Variants in ATP6V1H observed in about 807,000 individuals in gnomAD.
ATP6V1H encodes V-type proton ATPase subunit H.
In ATP6V1H, 39 loss-of-function variants were observed where a neutral mutation model predicts 71.7. The observed-to-expected ratio is 0.54, with a 90% CI of 0.42 to 0.71. The LOEUF is 0.71. Ranked by LOEUF, ATP6V1H falls within the 30% of genes least tolerant of loss-of-function variation. The pLI is 0.00. For synonymous variants in ATP6V1H, 192 were observed against 199.3 expected (o/e 0.96, Z 0.31); for missense variants, 509 against 594.9 (o/e 0.86, Z 1.50).
rs199524417 is a variant in ATP6V1H, at chr8:53,814,737, A to G, written c.450T>C (p.Ala150=). ...MAARIIAKLA[A]WGKELMEGSD... ...TGCCTTCCATCAGTTCTTTTCCCCA[A>G]GCTGCTAACTTGGCAATAATTCTTG... is the stretch of plus-strand genomic sequence containing the variant. The change falls in exon 6 of 14, where the codon GCT becomes GCC. Residue 150 remains alanine, a synonymous_variant. Transcript: ENST00000359530. The G allele has an allele frequency of 1.2e-6, 2 of 1,612,796 alleles. No homozygotes were observed. Among genetic ancestry groups the G allele is most frequent in the East Asian group, 2.2e-5 (1 of 44,778 alleles).
intron 7 of ATP6V1H, among the ~76,000 whole-genome samples, chr8:53,810,844 G>A (rs2130462270): frequency 6.6e-6 from 1 of 152,260 alleles, no homozygotes; most frequent in African/African-American, 2.4e-5. Flanking sequence ...TCAGATAACT[G>A]AAGTTTAAAG....
At chr8:53,830,438 T>G (rs1374732236) in intron 3 of ATP6V1H, among the ~76,000 whole-genome samples, 2 of 152,206 alleles carry the variant, frequency 1.3e-5, no homozygotes, top group African/African-American at 4.8e-5. Flanking sequence ...GAATCATGTC[T>G]TCCATGGATA....
intron 12 of ATP6V1H, among the ~76,000 whole-genome samples, chr8:53,753,063 C>G (rs1262185625): frequency 1.3e-5 from 2 of 149,446 alleles, no homozygotes; most frequent in African/African-American, 4.9e-5. Flanking sequence ...AACCCTATAA[C>G]CATGAGAGAA....
chr8:53,765,597 G>A (rs80270887), intron 11 of ATP6V1H, among the ~76,000 whole-genome samples: 2 of 151,692 alleles, frequency 1.3e-5, no homozygotes, highest in African/African-American at 4.8e-5. Context: ...ATCTATAAGA[G>A]GAAAACAAAA....
At chr8:53,741,508 G>T (rs760700533) in intron 13 of ATP6V1H, among the ~76,000 whole-genome samples, 3 of 152,162 alleles carry the variant, frequency 2.0e-5, no homozygotes, top group Admixed American at 6.5e-5. Context: ...GCAACTATAA[G>T]CTCATTGGTT....
intron 13 of ATP6V1H, among the ~76,000 whole-genome samples, chr8:53,719,030 G>T (rs1806527298): frequency 1.3e-5 from 2 of 152,184 alleles, no homozygotes; most frequent in African/African-American, 4.8e-5. Context: ...GTTTGTTATG[G>T]CATGTGGGGT....
intron 9 of ATP6V1H, among the ~76,000 whole-genome samples, chr8:53,785,740 T>C (rs540800297): frequency 6.6e-5 from 10 of 152,226 alleles, no homozygotes; most frequent in Non-Finnish European, 1.3e-4. Flanking sequence ...TTCTGTTTGT[T>C]AGTTTTCCTT....
chr8:53,820,265 T>C (rs551988880), intron 4 of ATP6V1H, among the ~76,000 whole-genome samples: 1 of 151,698 alleles, frequency 6.6e-6, no homozygotes, highest in Non-Finnish European at 1.5e-5. Context: ...TGGAAAGGCA[T>C]CATTTTTGAG....
At chr8:53,771,558 T>C (rs1808656836) in intron 10 of ATP6V1H, among the ~76,000 whole-genome samples, 1 of 152,104 alleles carries the variant, frequency 6.6e-6, no homozygotes, top group Non-Finnish European at 1.5e-5. Context: ...TTCTTTACTG[T>C]ACATACATTA....
At chr8:53,778,020 A>C (rs1808955113) in intron 9 of ATP6V1H, among the ~76,000 whole-genome samples, 1 of 152,262 alleles carries the variant, frequency 6.6e-6, no homozygotes, top group South Asian at 2.1e-4. Context: ...AGGGCTTATA[A>C]CATGTAAATA....
rs566876618 is a variant in ATP6V1H at position 53,788,606 on chromosome 8, A to T, written c.870+7041T>A. 2.2e-3 allele frequency among the ~76,000 whole-genome samples: 338 copies of T among 152,308 alleles called. 2 individuals carry two copies. The highest frequency in any genetic ancestry group is 7.9e-3 in the African/African-American group (327 of 41,564). ...AGACACTTTAACTGTTATTTCATGGATTCCTTACCTAATGTTTAAATGAGT... is the reference window on the plus strand; with the variant it reads ...AGACACTTTAACTGTTATTTCATGGTTTCCTTACCTAATGTTTAAATGAGT... On this transcript the variant is annotated intron_variant, in intron 9 of 13. Transcript: ENST00000359530.
intron 7 of ATP6V1H, among the ~76,000 whole-genome samples, chr8:53,809,333 A>G (rs1462151276): frequency 3.9e-5 from 6 of 152,246 alleles, no homozygotes; most frequent in East Asian, 3.8e-4. Context: ...CTATGGAAAT[A>G]TAAGAATCAA....
intron 4 of ATP6V1H, among the ~76,000 whole-genome samples, chr8:53,822,302 T>A (rs1810688215): frequency 6.6e-6 from 1 of 152,118 alleles, no homozygotes; most frequent in Admixed American, 6.5e-5. Flanking sequence ...GGTGAAAATT[T>A]AATATAACAA....
At chr8:53,824,877 A>C (rs531678255) in intron 4 of ATP6V1H, among the ~76,000 whole-genome samples, 46 of 152,128 alleles carry the variant, frequency 3.0e-4, no homozygotes, top group South Asian at 1.9e-3. Context: ...AATTAGAGAA[A>C]AATTCAATCA....
intron 11 of ATP6V1H, among the ~76,000 whole-genome samples, chr8:53,759,428 T>TAA (rs1472642866): frequency 2.0e-5 from 3 of 152,194 alleles, no homozygotes; most frequent in Non-Finnish European, 2.9e-5. Flanking sequence ...TGAATACAGT[T>TAA]AAGTCAACAA....
chr8:53,732,827 C>T (rs1308516340), intron 13 of ATP6V1H, among the ~76,000 whole-genome samples: 1 of 152,092 alleles, frequency 6.6e-6, no homozygotes, highest in Non-Finnish European at 1.5e-5. Flanking sequence ...TTTACAGAGG[C>T]CAGCAGCCCC....
chr8:53,734,915 T>C (rs559759170), intron 13 of ATP6V1H, among the ~76,000 whole-genome samples: 1 of 152,130 alleles, frequency 6.6e-6, no homozygotes, highest in Admixed American at 6.5e-5. Flanking sequence ...GATAAAAGGA[T>C]AGCTGTGCCA....
chr8:53,760,536 T>C (rs1808235395), intron 11 of ATP6V1H, among the ~76,000 whole-genome samples: 1 of 152,192 alleles, frequency 6.6e-6, no homozygotes, highest in African/African-American at 2.4e-5. Context: ...ATATTCCTGT[T>C]CTAAAACTTT....
chr8:53,821,526 C>A lies in ATP6V1H; in HGVS notation c.307-3996G>T, dbSNP rs114220551. On this transcript the variant is annotated intron_variant, in intron 4 of 13. Coordinates refer to ENST00000359530, the MANE Select transcript of ATP6V1H (RefSeq NM_015941.4). ...CGAAATCCCATCTCTACTAAAAATA[C>A]GAAAATTAGCTGGGCACGGCGGCAC... Among the ~76,000 whole-genome samples the A allele has an allele frequency of 6.6e-5, 10 of 151,862 alleles. 1 individual carries two copies. Among genetic ancestry groups the A allele is most frequent in the African/African-American group, 2.4e-4 (10 of 41,432 alleles).
Sources: gnomAD v4.1 joint callset for allele counts (sites outside exome capture counted in the v4.1 genomes callset) on GRCh38, gnomAD v4.1.1 for gene constraint, MANE v1.5 for transcripts, NCBI Gene and HGNC (gene_info 2026-07-23, HGNC 2026-07-21) for gene names.